The following CHMP2A variants were observed in gnomAD, a reference collection of about 807,000 sequenced individuals.
CHMP2A encodes charged multivesicular body protein 2A, also known as VPS2 homolog A.
CHMP2A carries 6 observed loss-of-function variants against 21.8 expected under a neutral mutation model. The observed-to-expected ratio is 0.28, with a 90% confidence interval of 0.15 to 0.54. The LOEUF (loss-of-function observed/expected upper bound fraction) is 0.54, where lower values mean the gene tolerates loss of function less well. Ranked by LOEUF, CHMP2A falls within the 20% of genes least tolerant of loss-of-function variation. The probability of loss-of-function intolerance (pLI) is 0.95; values close to 1 mark genes in which losing one functional copy is unlikely to be tolerated. For synonymous variants in CHMP2A, 125 were observed against 107.0 expected (o/e 1.17, Z -1.04); for missense variants, 303 against 293.9 (o/e 1.03, Z -0.23).
rs2053831062 is a variant in CHMP2A at position 58,551,889 on chromosome 19, G to A, written c.541+17C>T. 1 of 1,614,118 alleles carries A rather than the reference G, an allele frequency of 6.2e-7. No homozygotes were observed. ...GGCCTTGGGTGGGAAATGGGGTCCA[G>A]GATTTGGAGCACTCACTCGACAGCT... is the stretch of plus-strand genomic sequence containing the variant. On this transcript the variant is annotated intron_variant, in intron 5 of 5. Coordinates refer to ENST00000312547, the MANE Select transcript of CHMP2A (RefSeq NM_014453.4).
Position 58,554,166 on chromosome 19 carries a change from C to T in CHMP2A, c.47G>A (p.Arg16Gln). The part of the protein sequence containing the change: ...GRRKTPEELL[R>Q]QNQRALNRAM... The stretch of plus-strand genomic sequence containing the variant: ...ACGGTTCAGGGCCCTCTGGTTCTGC[C>T]GCAGTAGCTCCTCTGGCGTCTTCCG... The change falls in exon 2 of 6, where the codon CGG becomes CAG. Residue 16 changes from arginine to glutamine, a missense_variant. Physicochemically the swap from Arg to Gln is conservative, Grantham distance 43 (BLOSUM62 1). Transcript: ENST00000312547. 1 of 1,614,062 alleles carries T rather than the reference C, an allele frequency of 6.2e-7. No individual in the cohort carries two copies. The highest frequency in any genetic ancestry group is 2.2e-5 in the East Asian group (1 of 44,892).
Position 58,551,745 on chromosome 19 carries a change from C to T in CHMP2A, c.573G>A (p.Val191=), listed in dbSNP as rs1382703753. The change falls in exon 6 of 6, where the codon GTG becomes GTA. Residue 191 remains valine (V), a synonymous_variant. Coordinates refer to ENST00000312547, the MANE Select transcript of CHMP2A (RefSeq NM_014453.4). ...CCTCTGCTTTTTTCCCACCAGCAGC[C>T]ACACTAAGCGAGCCCCCAGTTGAGG... ...NLPSTGGSLS[V]AAGGKKAEAA... The T allele has an allele frequency of 3.1e-6, 5 of 1,614,010 alleles. No individual in the cohort carries two copies. Among genetic ancestry groups the T allele is most frequent in the South Asian group, 1.1e-5 (1 of 91,072 alleles).
intron 3 of CHMP2A, 29 bp from the exon 4 acceptor site, chr19:58,552,214 C>A (rs1324777323): frequency 6.2e-7 from 1 of 1,614,154 alleles, no homozygotes; most frequent in African/African-American, 1.3e-5. Flanking sequence ...TGAGTGTGAT[C>A]CCCATGGGTC....
At chr19:58,553,481 C>T (rs1334834343) in intron 2 of CHMP2A, among the ~76,000 whole-genome samples, 3 of 151,464 alleles carry the variant, frequency 2.0e-5, no homozygotes, top group Non-Finnish European at 2.9e-5. Flanking sequence ...AGAGATTGTC[C>T]TGCCTCAGCC....
chr19:58,554,285 G>A (rs1436134502), intron 1 of CHMP2A, 49 bp from the exon 2 acceptor site: 5 of 1,528,596 alleles, frequency 3.3e-6, no homozygotes, highest in East Asian at 2.3e-5. Flanking sequence ...GGGCCCAGGA[G>A]GGCAAGAAGC....
At position 58,552,222 on chromosome 19, in the gene CHMP2A, G is replaced by A. The variant is rs201975057; in HGVS notation, c.348+37C>T. The A allele has an allele frequency of 3.1e-5, 50 of 1,614,190 alleles. No homozygotes were observed. The East Asian group carries it at 6.2e-4, about 20-fold the overall frequency. On this transcript the variant is annotated intron_variant, in intron 3 of 5. Coordinates refer to ENST00000312547, the MANE Select transcript of CHMP2A (RefSeq NM_014453.4). ...AGGAGTGTGAGTGTGATCCCCATGG[G>A]TCGTGGGAGTGGGAAGGGGGATTGG...
intron 1 of CHMP2A, 157 bp from the exon 2 acceptor site, chr19:58,554,393 T>C: frequency 1.6e-6 from 1 of 639,112 alleles, no homozygotes; most frequent in Admixed American, 3.0e-5. Flanking sequence ...AACACTGGGA[T>C]TGTCCCGGGG....
chr19:58,554,340 G>A (rs2053867902), intron 1 of CHMP2A, 104 bp from the exon 2 acceptor site: 3 of 1,036,616 alleles, frequency 2.9e-6, no homozygotes, highest in Non-Finnish European at 4.2e-6. Context: ...GGGGCTAACG[G>A]AGACTGGAGG....
chr19:58,552,707 T>C (rs1461795061), intron 2 of CHMP2A, among the ~76,000 whole-genome samples: 1 of 152,210 alleles, frequency 6.6e-6, no homozygotes, highest in Non-Finnish European at 1.5e-5. Flanking sequence ...GGCCCCAGGC[T>C]CACTCCTGAG....
intron 2 of CHMP2A, among the ~76,000 whole-genome samples, chr19:58,552,666 A>G (rs2053846570): frequency 6.6e-6 from 1 of 151,856 alleles, no homozygotes; most frequent in Admixed American, 6.5e-5. Flanking sequence ...GGTCCTCCTC[A>G]CTTCTCTTGA....
chr19:58,554,226 C>G lies in CHMP2A; in HGVS notation c.-14G>C. On this transcript the variant is annotated 5_prime_UTR_variant, in exon 2 of 6. Coordinates refer to ENST00000312547, the MANE Select transcript of CHMP2A (RefSeq NM_014453.4). ...CAATAGGTCCATGATGGTAGAAGCT[C>G]ACTGGCAGGCCTGAGACAGATGTGA... 1 of 1,606,402 alleles carries G rather than the reference C, an allele frequency of 6.2e-7. No homozygotes were observed. Among genetic ancestry groups the G allele is most frequent in the Non-Finnish European group, 8.5e-7 (1 of 1,175,828 alleles).
chr19:58,551,789 TGGG>T lies in CHMP2A; in HGVS notation c.542-16_542-14del, dbSNP rs780771859. The T allele has an allele frequency of 1.9e-6, 3 of 1,613,276 alleles. No homozygotes were observed. Among genetic ancestry groups the T allele is most frequent in the African/African-American group, 2.7e-5 (2 of 74,672 alleles). On this transcript the variant is annotated splice_polypyrimidine_tract_variant and intron_variant, in intron 5 of 5. Coordinates refer to ENST00000312547, the MANE Select transcript of CHMP2A (RefSeq NM_014453.4). ...GTTGAGGGGAGGTCTGCAGAGAAAG[TGGG>T]GGTTTGAGCAGGTGGGGTCAGGCAG...
At chr19:58,552,471 G>T in intron 2 of CHMP2A, 33 bp from the exon 3 acceptor site, 1 of 1,596,504 alleles carries the variant, frequency 6.3e-7, no homozygotes. Flanking sequence ...AAGGACACAG[G>T]AATGAGATTA....
In CHMP2A at chr19:58,551,924, G is replaced by A; in HGVS notation, c.523C>T (p.Leu175=). ...CACTCACTCGACAGCTCATCTGTTA[G>A]GCTAAGTCCCAGCTCATCCAGAACC... ...SQVLDELGLS[L]TDELSNLPST... is the part of the protein sequence containing the mutation. The change falls in exon 5 of 6, where the codon CTA becomes TTA. Residue 175 remains leucine (L), a synonymous_variant. Transcript: ENST00000312547. The A allele has an allele frequency of 1.9e-6, 3 of 1,614,124 alleles. No individual in the cohort carries two copies. Among genetic ancestry groups the A allele is most frequent in the Non-Finnish European group, 2.5e-6 (3 of 1,180,030 alleles).
chr19:58,551,713 G>A lies in CHMP2A; in HGVS notation c.605C>T (p.Ala202Val). The A allele has an allele frequency of 6.2e-7, 1 of 1,614,146 alleles. No homozygotes were observed. The highest frequency in any genetic ancestry group is 8.5e-7 in the Non-Finnish European group (1 of 1,180,030). The change falls in exon 6 of 6, where the codon GCC becomes GTC. Residue 202 changes from alanine to valine, a missense_variant. Physicochemically the swap from Ala to Val is moderately conservative, Grantham distance 64. Coordinates refer to ENST00000312547, the MANE Select transcript of CHMP2A (RefSeq NM_014453.4). ...TGCATCAGCATCAGCTAGGGCTGAGGCTGCGGCCTCTGCTTTTTTCCCACC... is the reference window on the plus strand; with the variant it reads ...TGCATCAGCATCAGCTAGGGCTGAGACTGCGGCCTCTGCTTTTTTCCCACC... ...AAGGKKAEAAASALADADADL... is the reference protein window; with the variant it reads ...AAGGKKAEAAVSALADADADL...
At position 58,553,940 on chromosome 19, in the gene CHMP2A, A is replaced by G. The variant is rs533526517; in HGVS notation, c.168+105T>C. ...GGAAGCCCTGCTGACCTTTCACTCC[A>G]CTCGTTTTGCTGAAAGCACCTGTGT... On this transcript the variant is annotated intron_variant, in intron 2 of 5. Transcript: ENST00000312547. 2.8e-4 allele frequency: 404 copies of G among 1,454,504 alleles called. 2 individuals are homozygous for G. In the South Asian group the frequency reaches 4.2e-3, roughly 15 times the overall value. The allele number at this position is 1,454,504 out of a possible 1,614,324, so 90.1% of individuals were successfully genotyped here.
chr19:58,553,420 G>C (rs2122648240), intron 2 of CHMP2A, among the ~76,000 whole-genome samples: 1 of 150,414 alleles, frequency 6.6e-6, no homozygotes, highest in South Asian at 2.1e-4. Context: ...ACCCAGGCTG[G>C]AGTGCAGTGG....
rs1268897818 is a variant in CHMP2A at position 58,551,910 on chromosome 19, C to T, written c.537G>A (p.Leu179=). 1.2e-6 allele frequency: 2 copies of T among 1,614,130 alleles called. No individual in the cohort carries two copies. Among genetic ancestry groups the T allele is most frequent in the Non-Finnish European group, 1.7e-6 (2 of 1,180,030 alleles). The change falls in exon 5 of 6, where the codon CTG becomes CTA. Residue 179 remains leucine (L), a synonymous_variant. Coordinates refer to ENST00000312547, the MANE Select transcript of CHMP2A (RefSeq NM_014453.4). ...TCCAGGATTTGGAGCACTCACTCGA[C>T]AGCTCATCTGTTAGGCTAAGTCCCA... ...DELGLSLTDE[L]SNLPSTGGSL...
At chr19:58,552,235 G>C (rs2053838777) in intron 3 of CHMP2A, 24 bp downstream of exon 3, 1 of 1,614,062 alleles carries the variant, frequency 6.2e-7, no homozygotes, top group Non-Finnish European at 8.5e-7. Context: ...GTGGGAGTGG[G>C]AAGGGGGATT....
Sources: gnomAD v4.1 joint callset for allele counts (sites outside exome capture counted in the v4.1 genomes callset) on GRCh38, gnomAD v4.1.1 for gene constraint, MANE v1.5 for transcripts, NCBI Gene and HGNC (gene_info 2026-07-23, HGNC 2026-07-21) for gene names.